The following TMEM74 variants were observed in gnomAD, a reference collection of about 807,000 sequenced individuals.
The protein encoded by TMEM74 is transmembrane protein 74.
Under a neutral mutation model 18.1 loss-of-function variants are expected in TMEM74, and 13 were observed. The ratio of observed to expected loss-of-function variants is 0.72; its 90% CI spans 0.47 to 1.14. The LOEUF (loss-of-function observed/expected upper bound fraction) is 1.14, where lower values mean the gene tolerates loss of function less well. Among genes scored for constraint, TMEM74 ranks in the 50% most tolerant of loss-of-function variants. TMEM74 has a pLI of 0.00. For synonymous variants in TMEM74, 159 were observed against 146.6 expected (o/e 1.08, Z -0.61); for missense variants, 372 against 375.9 (o/e 0.99, Z 0.09).
chr8:108,739,919 C>T (rs1813783258), intron 1 of TMEM74, among the ~76,000 whole-genome samples: 1 of 152,024 alleles, frequency 6.6e-6, no homozygotes, highest in Non-Finnish European at 1.5e-5. Context: ...GACCGGGGGC[C>T]ATCGCAATCG....
chr8:108,662,233 A>AAC (rs1812907261), intron 1 of TMEM74, among the ~76,000 whole-genome samples: 1 of 151,828 alleles, frequency 6.6e-6, no homozygotes, highest in South Asian at 2.1e-4. Flanking sequence ...GAGATGGAAA[A>AAC]ACACACACAC....
chr8:108,642,492 G>A (rs1477595410), intron 2 of TMEM74, among the ~76,000 whole-genome samples: 1 of 152,032 alleles, frequency 6.6e-6, no homozygotes, highest in East Asian at 1.9e-4. Flanking sequence ...GACAAAGCTG[G>A]TAAACTGCAA....
Position 108,657,878 on chromosome 8 carries a change from A to AAT in TMEM74, n.120-2442_120-2441insAT, listed in dbSNP as rs1563742298. Among the ~76,000 whole-genome samples the AAT allele has an allele frequency of 1.1e-4, 11 of 103,418 alleles. 1 individual carries two copies. The highest frequency in any genetic ancestry group is 4.7e-4 in the African/African-American group (11 of 23,248). 67.8% of individuals were successfully genotyped at this position (103,418 alleles called of 152,430 possible). A position where few individuals can be genotyped will look rare whatever the true frequency, so the allele number is the denominator to read the frequency against. On this transcript the variant is annotated intron_variant and non_coding_transcript_variant, in intron 1 of 3. Coordinates refer to the TMEM74 transcript ENST00000518838. ...AAAAAAAATATATATATATATATAT[A>AAT]TATATATATATATATATATATATAT...
intron 1 of TMEM74, among the ~76,000 whole-genome samples, chr8:108,658,059 C>A (rs1563742436): frequency 6.6e-6 from 1 of 151,096 alleles, no homozygotes; most frequent in Non-Finnish European, 1.5e-5. Context: ...GACCCCAAAT[C>A]ATCGCAGAGA....
At chr8:108,785,674 C>A (rs756720044) in intron 1 of TMEM74, among the ~76,000 whole-genome samples, 2 of 152,156 alleles carry the variant, frequency 1.3e-5, no homozygotes, top group Non-Finnish European at 2.9e-5. Context: ...ACTATACACC[C>A]CTATCAGCTG....
Position 108,652,613 on chromosome 8 carries a change from T to C in TMEM74, n.264+2680A>G, listed in dbSNP as rs1812785667. On this transcript the variant is annotated intron_variant and non_coding_transcript_variant, in intron 2 of 3. Transcript: ENST00000518838. ...AAACAGAGACACTGGGAAAAGATAG[T>C]TGCAGTAAAGAAGGCAAAAGAAAGC... 9.6e-6 allele frequency: 6 copies of C among 625,402 alleles called. No homozygotes were observed. The Admixed American group carries it at 1.5e-4, about 15-fold the overall frequency. 38.7% of individuals were successfully genotyped at this position (625,402 alleles called of 1,614,324 possible).
chr8:108,660,466 G>A (rs1376696684), intron 1 of TMEM74, among the ~76,000 whole-genome samples: 2 of 151,994 alleles, frequency 1.3e-5, no homozygotes, highest in Admixed American at 6.6e-5. Flanking sequence ...TTTCTTCTTG[G>A]TATTCAACCT....
intron 1 of TMEM74, among the ~76,000 whole-genome samples, chr8:108,760,106 G>C (rs576749143): frequency 6.6e-6 from 1 of 151,842 alleles, no homozygotes; most frequent in African/African-American, 2.4e-5. Context: ...CTGGGAGTTG[G>C]AGGTTGCTGT....
chr8:108,712,855 A>G (rs188920293), intron 1 of TMEM74, among the ~76,000 whole-genome samples: 37 of 152,254 alleles, frequency 2.4e-4, no homozygotes, highest in African/African-American at 6.7e-4. Context: ...GAAACTGGGG[A>G]TGGAGTGAGG....
intron 1 of TMEM74, among the ~76,000 whole-genome samples, chr8:108,732,782 A>AATATAT (rs3049758): frequency 2.8e-4 from 42 of 148,314 alleles, no homozygotes; most frequent in African/African-American, 9.4e-4. Flanking sequence ...AATATTTTCA[A>AATATAT]ATATATATAT....
intron 1 of TMEM74, among the ~76,000 whole-genome samples, chr8:108,659,726 G>A (rs1812881140): frequency 6.6e-6 from 1 of 152,116 alleles, no homozygotes; most frequent in Admixed American, 6.6e-5. Flanking sequence ...GCTCCAACCT[G>A]TGTTGCCCAG....
intron 2 of TMEM74, among the ~76,000 whole-genome samples, chr8:108,613,381 A>T (rs1407927679): frequency 1.3e-5 from 2 of 152,210 alleles, no homozygotes; most frequent in Non-Finnish European, 2.9e-5. Flanking sequence ...GAAGCTCCCC[A>T]TGTGTGCCCA....
intron 2 of TMEM74, among the ~76,000 whole-genome samples, chr8:108,637,494 G>C (rs1195626392): frequency 6.6e-6 from 1 of 152,008 alleles, no homozygotes; most frequent in Non-Finnish European, 1.5e-5. Context: ...ATAATCATAA[G>C]GATCTTTATA....
At chr8:108,756,720 G>GAGAA (rs1292811878) in intron 1 of TMEM74, among the ~76,000 whole-genome samples, 1 of 78,338 alleles carries the variant, frequency 1.3e-5, no homozygotes, top group South Asian at 5.4e-4. Context: ...AAGAAAGAAA[G>GAGAA]AGAAAGAAAG....
At chr8:108,619,633 C>T (rs547504963) in intron 2 of TMEM74, among the ~76,000 whole-genome samples, 1 of 152,296 alleles carries the variant, frequency 6.6e-6, no homozygotes, top group East Asian at 1.9e-4. Flanking sequence ...CCAGTAGGAG[C>T]TTAAGCATAG....
At chr8:108,633,955 T>G (rs1449605206) in intron 2 of TMEM74, among the ~76,000 whole-genome samples, 1 of 151,980 alleles carries the variant, frequency 6.6e-6, no homozygotes, top group Admixed American at 6.6e-5. Flanking sequence ...AACAGGAAAA[T>G]TACTTTGCAG....
At chr8:108,765,407 C>CTTTTTTTTTTTTTTTTTTTTTTTT (rs61334796) in intron 1 of TMEM74, among the ~76,000 whole-genome samples, 1 of 120,730 alleles carries the variant, frequency 8.3e-6, no homozygotes, top group African/African-American at 3.1e-5. Context: ...TTTGGAACTA[C>CTTTTTTTTTTTTTTTTTTTTTTTT]TTTTTTTTTT....
chr8:108,652,460 T>C, intron 2 of TMEM74: 1 of 369,222 alleles, frequency 2.7e-6, no homozygotes, highest in Non-Finnish European at 5.1e-6. Context: ...TCTGAGAGCT[T>C]TCAGTTTCTG....
chr8:108,764,824 A>G (rs1586289745), intron 1 of TMEM74, among the ~76,000 whole-genome samples: 2 of 152,172 alleles, frequency 1.3e-5, no homozygotes, highest in South Asian at 2.1e-4. Context: ...CTGGTCTTTA[A>G]AAACATTCTT....
Sources: gnomAD v4.1 joint callset for allele counts (sites outside exome capture counted in the v4.1 genomes callset) on GRCh38, gnomAD v4.1.1 for gene constraint, MANE v1.5 for transcripts, NCBI Gene and HGNC (gene_info 2026-07-23, HGNC 2026-07-21) for gene names.